MIR2052HG: variants seen among roughly 807,000 people sequenced by gnomAD.
MIR2052HG encodes MIR2052 host gene.
chr8:74,736,522 T>C (rs1809746102), intron 4 of MIR2052HG, among the ~76,000 whole-genome samples: 1 of 152,216 alleles, frequency 6.6e-6, no homozygotes, highest in African/African-American at 2.4e-5. Context: ...GGGGAAACTT[T>C]AGCTCTGAGT....
At chr8:74,746,566 A>AAG (rs1491457079) in intron 4 of MIR2052HG, among the ~76,000 whole-genome samples, 1 of 65,328 alleles carries the variant, frequency 1.5e-5, no homozygotes, top group Non-Finnish European at 3.3e-5. Context: ...AGAGGAGAAG[A>AAG]AGTGTGTGTG....
intron 1 of MIR2052HG, among the ~76,000 whole-genome samples, chr8:74,609,326 T>G (rs989841768): frequency 2.6e-5 from 4 of 151,966 alleles, no homozygotes; most frequent in Admixed American, 1.3e-4. Flanking sequence ...CACAGGAAAC[T>G]TTAGACCCAG....
Position 74,612,648 on chromosome 8 carries a change from T to C in MIR2052HG, n.129-205T>C, listed in dbSNP as rs532691749. ...AAAGAGGAGTATCCTTCTAATCATCTTTACCTTTAGAAAGTCTGGAAAATG... is the reference window on the plus strand; with the variant it reads ...AAAGAGGAGTATCCTTCTAATCATCCTTACCTTTAGAAAGTCTGGAAAATG... On this transcript the variant is annotated intron_variant and non_coding_transcript_variant, in intron 1 of 6. Transcript: ENST00000523442. 5.2e-5 allele frequency: 17 copies of C among 326,576 alleles called. No individual in the cohort carries two copies. The East Asian group carries it at 1.3e-3, about 24-fold the overall frequency. 20.2% of individuals were successfully genotyped at this position (326,576 alleles called of 1,614,324 possible).
At chr8:74,608,354 AAATTGTAACTC>A (rs1484699185) in intron 1 of MIR2052HG, among the ~76,000 whole-genome samples, 1 of 152,224 alleles carries the variant, frequency 6.6e-6, no homozygotes, top group African/African-American at 2.4e-5. Context: ...ATAATTTTTT[AAATTGTAACTC>A]TTTTTTTCTT....
chr8:74,750,998 A>G (rs1809938360), intron 4 of MIR2052HG, among the ~76,000 whole-genome samples: 1 of 152,224 alleles, frequency 6.6e-6, no homozygotes, highest in South Asian at 2.1e-4. Flanking sequence ...ATGCTAGATA[A>G]CCTAAACAGC....
intron 4 of MIR2052HG, among the ~76,000 whole-genome samples, chr8:74,716,071 A>T (rs1809517676): frequency 6.6e-6 from 1 of 152,222 alleles, no homozygotes; most frequent in East Asian, 1.9e-4. Flanking sequence ...AGCAAGACCA[A>T]CAGAGACTAG....
chr8:74,725,076 A>T (rs1809620123), intron 4 of MIR2052HG, among the ~76,000 whole-genome samples: 1 of 152,222 alleles, frequency 6.6e-6, no homozygotes, highest in South Asian at 2.1e-4. Context: ...CAAAAGAAGA[A>T]TAGAAGAATA....
intron 4 of MIR2052HG, among the ~76,000 whole-genome samples, chr8:74,739,866 T>C (rs1232006436): frequency 1.3e-5 from 2 of 152,190 alleles, no homozygotes; most frequent in African/African-American, 4.8e-5. Flanking sequence ...TACCATCTAT[T>C]TATCTAAAAA....
At chr8:74,713,151 T>C (rs1809486922) in intron 4 of MIR2052HG, among the ~76,000 whole-genome samples, 1 of 152,190 alleles carries the variant, frequency 6.6e-6, no homozygotes, top group Admixed American at 6.5e-5. Context: ...GAGGCACTGT[T>C]CTAAGTCCTG....
intron 3 of MIR2052HG, among the ~76,000 whole-genome samples, chr8:74,703,162 G>T (rs1809374794): frequency 6.6e-6 from 1 of 152,026 alleles, no homozygotes; most frequent in Non-Finnish European, 1.5e-5. Flanking sequence ...TGCCCTTGGG[G>T]ATTGTTGGTA....
At chr8:74,664,734 T>G (rs1349797202) in intron 2 of MIR2052HG, among the ~76,000 whole-genome samples, 2 of 152,158 alleles carry the variant, frequency 1.3e-5, no homozygotes, top group Non-Finnish European at 2.9e-5. Flanking sequence ...GGCCAGCCGG[T>G]CTCGAACTCC....
At chr8:74,666,045 C>G (rs1006265533) in intron 2 of MIR2052HG, among the ~76,000 whole-genome samples, 1 of 152,084 alleles carries the variant, frequency 6.6e-6, no homozygotes, top group Non-Finnish European at 1.5e-5. Flanking sequence ...ATGCTTTTGT[C>G]GGCAGTGTGA....
chr8:74,745,649 G>A (rs1586930228), intron 4 of MIR2052HG, among the ~76,000 whole-genome samples: 1 of 152,116 alleles, frequency 6.6e-6, no homozygotes, highest in East Asian at 1.9e-4. Context: ...ACATTGAGGG[G>A]ATTAGGGAAT....
At chr8:74,643,493 G>A (rs1235877952) in intron 2 of MIR2052HG, among the ~76,000 whole-genome samples, 2 of 152,160 alleles carry the variant, frequency 1.3e-5, no homozygotes, top group South Asian at 2.1e-4. Context: ...TTTCGTTCTC[G>A]TGGTTTTACC....
intron 4 of MIR2052HG, among the ~76,000 whole-genome samples, chr8:74,739,946 A>G (rs1809808919): frequency 6.6e-6 from 1 of 152,184 alleles, no homozygotes; most frequent in Admixed American, 6.6e-5. Flanking sequence ...TAATGTTTAT[A>G]CACTATTCTA....
At chr8:74,612,800 A>G in intron 1 of MIR2052HG, 1 of 436,768 alleles carries the variant, frequency 2.3e-6, no homozygotes, top group Non-Finnish European at 4.6e-6. Flanking sequence ...TAGTAAAAGA[A>G]GCAGGAAAAA....
At chr8:74,727,074 AT>A (rs1178030839) in intron 4 of MIR2052HG, among the ~76,000 whole-genome samples, 2 of 152,206 alleles carry the variant, frequency 1.3e-5, no homozygotes, top group African/African-American at 2.4e-5. Flanking sequence ...GAGACATATG[AT>A]GTCTGTTGAA....
In MIR2052HG at chr8:74,681,823, T is replaced by A. The variant is rs141557032; in HGVS notation, n.217-20556T>A. ...TTATAAGTTACTTAGCTTGTGGTAT[T>A]CTGTTATAGCAGAAGAAAACAGGCT... On this transcript the variant is annotated intron_variant and non_coding_transcript_variant, in intron 2 of 6. Coordinates refer to ENST00000523442, the Ensembl canonical transcript of MIR2052HG. 4.8e-3 allele frequency among the ~76,000 whole-genome samples: 736 copies of A among 152,304 alleles called. 3 individuals are homozygous for A. Among genetic ancestry groups the A allele is most frequent in the African/African-American group, 0.015 (614 of 41,570 alleles).
chr8:74,668,807 C>G (rs2128737785), intron 2 of MIR2052HG, among the ~76,000 whole-genome samples: 1 of 152,294 alleles, frequency 6.6e-6, no homozygotes. Context: ...ATGGCAAACT[C>G]AAGTGAGGGG....
Sources: allele counts gnomAD v4.1 joint callset (sites outside exome capture counted in the v4.1 genomes callset), GRCh38; gene constraint gnomAD v4.1.1; transcripts MANE v1.5; gene names NCBI Gene and HGNC (gene_info 2026-07-23, HGNC 2026-07-21).